Variants in ATP8B4 observed in about 807,000 individuals in gnomAD.
ATP8B4 encodes the protein ATPase phospholipid transporting 8B4 (putative).
In ATP8B4, 133 loss-of-function variants were observed where a neutral mutation model predicts 145.6. The ratio of observed to expected loss-of-function variants is 0.91; its 90% CI spans 0.79 to 1.05. The LOEUF is 1.05. Ranked by LOEUF, ATP8B4 falls within the 50% of genes least tolerant of loss-of-function variation. The pLI is 0.00. For synonymous variants in ATP8B4, 507 were observed against 492.9 expected, an observed-to-expected ratio of 1.03 and a Z score of -0.38; for missense variants, 1,458 against 1,425.2, an observed-to-expected ratio of 1.02 and a Z score of -0.37.
At chr15:49,962,382 AT>A (rs1426638438) in intron 13 of ATP8B4, among the ~76,000 whole-genome samples, 2 of 152,222 alleles carry the variant, frequency 1.3e-5, no homozygotes, top group African/African-American at 4.8e-5. Context: ...CCAAAATGAT[AT>A]CCTTGCCAGG....
intron 1 of ATP8B4, among the ~76,000 whole-genome samples, chr15:50,137,709 C>T (rs563622534): frequency 2.0e-5 from 3 of 152,266 alleles, no homozygotes; most frequent in South Asian, 2.1e-4. Context: ...ATCATGCTCA[C>T]GATGCTTCTT....
At chr15:50,053,723 T>G (rs2052365886) in intron 3 of ATP8B4, among the ~76,000 whole-genome samples, 2 of 150,052 alleles carry the variant, frequency 1.3e-5, no homozygotes, top group East Asian at 1.9e-4. Context: ...GGTGGGGGGG[T>G]GGGGTGAAGG....
intron 2 of ATP8B4, among the ~76,000 whole-genome samples, chr15:50,105,965 A>T (rs1430033468): frequency 6.6e-6 from 1 of 152,184 alleles, no homozygotes; most frequent in Non-Finnish European, 1.5e-5. Context: ...TAGACTCCTG[A>T]TTAGCATTGG....
intron 1 of ATP8B4, among the ~76,000 whole-genome samples, chr15:50,111,893 C>T (rs1189750842): frequency 2.0e-5 from 3 of 152,038 alleles, no homozygotes; most frequent in African/African-American, 7.2e-5. Flanking sequence ...AATGGCTGGG[C>T]GGGGTGGCTC....
chr15:50,016,753 A>G (rs8033655), intron 6 of ATP8B4, among the ~76,000 whole-genome samples: 81,361 of 152,022 alleles, frequency 0.54, 24,281 homozygotes, highest in African/African-American at 0.8. Flanking sequence ...CCCAGAGAGG[A>G]CTGCCAGCTG....
At chr15:50,039,609 G>C (rs1404003841) in intron 5 of ATP8B4, among the ~76,000 whole-genome samples, 2 of 152,158 alleles carry the variant, frequency 1.3e-5, no homozygotes, top group Non-Finnish European at 2.9e-5. Context: ...ATTAGTAATA[G>C]GCTATAATAT....
chr15:49,969,038 G>A (rs1272308215), intron 13 of ATP8B4, among the ~76,000 whole-genome samples: 6 of 152,080 alleles, frequency 3.9e-5, no homozygotes, highest in South Asian at 2.1e-4. Context: ...GGTAAATAAC[G>A]AAATAAAGGC....
Position 50,030,291 on chromosome 15 carries a change from G to A in ATP8B4, c.362+8477C>T, listed in dbSNP as rs561952379. ...AAAGAGAAAGAACAGAGTTCTAAAT[G>A]GCACATAGAACTTGGTGTATCTTTA... is the stretch of plus-strand genomic sequence containing the variant. On this transcript the variant is annotated intron_variant, in intron 6 of 27. Coordinates refer to ENST00000284509, the MANE Select transcript of ATP8B4 (RefSeq NM_024837.4). Among the ~76,000 whole-genome samples, 6 of 152,120 alleles carry A rather than the reference G, an allele frequency of 3.9e-5. No homozygotes were observed. In the South Asian group the frequency reaches 1.2e-3, roughly 32 times the overall value.
At chr15:50,161,553 A>G (rs942557000) in intron 1 of ATP8B4, among the ~76,000 whole-genome samples, 5 of 151,940 alleles carry the variant, frequency 3.3e-5, no homozygotes, top group African/African-American at 4.8e-5. Context: ...TGAAGTTACC[A>G]TGAGGCTTGT....
chr15:49,985,655 A>C (rs2046539617), intron 10 of ATP8B4, among the ~76,000 whole-genome samples: 1 of 152,202 alleles, frequency 6.6e-6, no homozygotes, highest in Non-Finnish European at 1.5e-5. Flanking sequence ...CAAATCACAA[A>C]AGAAGAAGGT....
chr15:50,095,602 A>T lies in ATP8B4; in HGVS notation c.28+11337T>A, dbSNP rs192739503. Among the ~76,000 whole-genome samples the T allele has an allele frequency of 5.9e-4, 90 of 152,246 alleles. 1 individual carries two copies. In the Middle Eastern group the frequency reaches 0.01, roughly 17 times the overall value. ...TGAGACCCTATCTTTACAAAAAATTAAAAAACTAGCCAGGTGTGGTGGCAC... is the reference window on the plus strand; with the variant it reads ...TGAGACCCTATCTTTACAAAAAATTTAAAAACTAGCCAGGTGTGGTGGCAC... On this transcript the variant is annotated intron_variant, in intron 2 of 27. Coordinates refer to ENST00000284509, the MANE Select transcript of ATP8B4 (RefSeq NM_024837.4).
intron 1 of ATP8B4, among the ~76,000 whole-genome samples, chr15:50,124,421 A>G (rs1317607189): frequency 6.6e-6 from 1 of 152,182 alleles, no homozygotes; most frequent in Non-Finnish European, 1.5e-5. Flanking sequence ...TTATTACTCA[A>G]CTAACTCATG....
chr15:49,906,664 T>C lies in ATP8B4; in HGVS notation c.2142-5425A>G, dbSNP rs77054817. 5.5e-3 allele frequency among the ~76,000 whole-genome samples: 844 copies of C among 152,318 alleles called. 24 individuals are homozygous for C. Among genetic ancestry groups the C allele is most frequent in the East Asian group, 0.053 (273 of 5,184 alleles). ...GCATCATTAGTCTGAATTTCAGCAA[T>C]CTGGAATTTCACTAATTGGACTTTT... On this transcript the variant is annotated intron_variant, in intron 20 of 27. Transcript: ENST00000284509.
At chr15:49,903,094 G>A (rs1429548119) in intron 20 of ATP8B4, among the ~76,000 whole-genome samples, 2 of 152,108 alleles carry the variant, frequency 1.3e-5, no homozygotes, top group Non-Finnish European at 2.9e-5. Context: ...TGCTGAAATT[G>A]TCACTGCACT....
chr15:50,032,566 G>T (rs1384478035), intron 6 of ATP8B4, among the ~76,000 whole-genome samples: 1 of 152,042 alleles, frequency 6.6e-6, no homozygotes, highest in Non-Finnish European at 1.5e-5. Flanking sequence ...GGAATTGCTG[G>T]GTCAAATGGT....
chr15:50,058,177 C>T (rs902559652), intron 3 of ATP8B4, among the ~76,000 whole-genome samples: 4 of 152,178 alleles, frequency 2.6e-5, no homozygotes, highest in Admixed American at 2.0e-4. Flanking sequence ...TCTATGCCTC[C>T]TCCTTTTAAA....
intron 10 of ATP8B4, among the ~76,000 whole-genome samples, chr15:49,983,964 C>A (rs768571126): frequency 2.0e-4 from 31 of 152,208 alleles, no homozygotes; most frequent in Non-Finnish European, 2.1e-4. Flanking sequence ...AGTGAAGGTA[C>A]TGCATTTGTT....
rs533203762 is a variant in ATP8B4 at position 49,941,794 on chromosome 15, C to T, written c.1288-7612G>A. 4.6e-5 allele frequency among the ~76,000 whole-genome samples: 7 copies of T among 152,174 alleles called. No individual in the cohort carries two copies. In the East Asian group the frequency reaches 5.8e-4, roughly 13 times the overall value. ...GCAAAGATACAAAACCAATTTAAAA[C>T]GGGCATCAACTGATGAGTAAATAAA... On this transcript the variant is annotated intron_variant, in intron 14 of 27. Transcript: ENST00000284509.
chr15:49,966,411 C>T (rs1380957946), intron 13 of ATP8B4, among the ~76,000 whole-genome samples: 1 of 152,174 alleles, frequency 6.6e-6, no homozygotes, highest in East Asian at 1.9e-4. Context: ...TGAAGTTGAC[C>T]TGGGACGCTC....
Sources: gnomAD v4.1 joint callset for allele counts (sites outside exome capture counted in the v4.1 genomes callset) on GRCh38, gnomAD v4.1.1 for gene constraint, MANE v1.5 for transcripts, NCBI Gene and HGNC (gene_info 2026-07-23, HGNC 2026-07-21) for gene names.